The following AGBL1 variants were observed in gnomAD, a reference collection of about 807,000 sequenced individuals.
AGBL1 encodes cytosolic carboxypeptidase 4.
In AGBL1, 130 loss-of-function variants were observed where a neutral mutation model predicts 118.9. That is an observed-to-expected ratio of 1.09 (90% CI 0.95 to 1.26). The LOEUF is 1.26. Among genes scored for constraint, AGBL1 ranks in the 50% most tolerant of loss-of-function variants. The pLI, the probability that AGBL1 is intolerant of heterozygous loss-of-function variation, is 0.00. For synonymous variants in AGBL1, 555 were observed against 478.9 expected (o/e 1.16, Z -2.08); for missense variants, 1,584 against 1,298.1 (o/e 1.22, Z -3.38).
At chr15:86,689,061 A>T (rs1219633830) in intron 22 of AGBL1, among the ~76,000 whole-genome samples, 2 of 152,160 alleles carry the variant, frequency 1.3e-5, no homozygotes, top group African/African-American at 4.8e-5. Context: ...TATATGGTAA[A>T]TGGTCAGTGG....
At chr15:86,229,947 A>G (rs79184449) in intron 6 of AGBL1, among the ~76,000 whole-genome samples, 2,899 of 152,364 alleles carry the variant, frequency 0.019, 93 homozygotes, top group African/African-American at 0.067. Context: ...CAATTTAAGA[A>G]TTAGCATTTA....
At chr15:86,079,770 C>T (rs963100982), upstream of AGBL1, 6 of 387,162 alleles carry the variant, frequency 1.5e-5, no homozygotes, top group Admixed American at 1.4e-4. Context: ...TCACCTAATC[C>T]CCACAGTGGG....
At chr15:86,743,700 G>A (rs2077713703) in intron 22 of AGBL1, among the ~76,000 whole-genome samples, 1 of 152,116 alleles carries the variant, frequency 6.6e-6, no homozygotes, top group African/African-American at 2.4e-5. Flanking sequence ...AAGACCCCAA[G>A]GGGATTCTGA....
chr15:86,688,313 G>A (rs1025572134), intron 22 of AGBL1, among the ~76,000 whole-genome samples: 13 of 151,962 alleles, frequency 8.6e-5, no homozygotes, highest in Non-Finnish European at 1.8e-4. Flanking sequence ...AGGGAAGGAG[G>A]AGACTAGAAG....
intron 22 of AGBL1, among the ~76,000 whole-genome samples, chr15:86,815,810 C>A (rs1207900387): frequency 6.6e-6 from 1 of 152,070 alleles, no homozygotes; most frequent in African/African-American, 2.4e-5. Context: ...TATGAATCAC[C>A]TTCAAAGTGT....
intron 22 of AGBL1, among the ~76,000 whole-genome samples, chr15:86,834,084 A>G (rs969794106): frequency 2.0e-5 from 3 of 152,062 alleles, no homozygotes; most frequent in Non-Finnish European, 2.9e-5. Context: ...TTTGATCACT[A>G]TGAGGCATTA....
intron 22 of AGBL1, among the ~76,000 whole-genome samples, chr15:86,704,318 A>C (rs939474058): frequency 3.3e-5 from 5 of 152,228 alleles, no homozygotes; most frequent in African/African-American, 1.2e-4. Context: ...CCTTCTGCAC[A>C]GCAAAAGAAA....
At chr15:86,936,909 C>T (rs1425864153) in intron 23 of AGBL1, among the ~76,000 whole-genome samples, 1 of 152,156 alleles carries the variant, frequency 6.6e-6, no homozygotes, top group African/African-American at 2.4e-5. Context: ...ATGCATCTGA[C>T]AAAGGTCTCA....
At position 86,264,609 on chromosome 15, in the gene AGBL1, G is replaced by T. The variant is rs748264822; in HGVS notation, c.1438G>T (p.Ala480Ser). 6.2e-7 allele frequency: 1 copy of T among 1,613,834 alleles called. No individual in the cohort carries two copies. The part of the protein sequence containing the change: ...VDAIFCPRMS[A>S]SFSNSTRTRE... ...TGCAATTTTCTGCCCAAGGATGAGTGCCTCCTTTTCTAATTCCACTAGGAC... is the reference window on the plus strand; with the variant it reads ...TGCAATTTTCTGCCCAAGGATGAGTTCCTCCTTTTCTAATTCCACTAGGAC... The change falls in exon 11 of 23, where the codon GCC (alanine) becomes TCC (serine). Residue 480 changes from alanine to serine, a missense_variant. Transcript: ENST00000614907.
chr15:86,638,080 T>G (rs1019935668), intron 21 of AGBL1, among the ~76,000 whole-genome samples: 1 of 152,142 alleles, frequency 6.6e-6, no homozygotes, highest in Non-Finnish European at 1.5e-5. Flanking sequence ...GGACTACTTC[T>G]CATCTTCTTT....
At chr15:86,598,648 A>G (rs763040573) in intron 21 of AGBL1, among the ~76,000 whole-genome samples, 17 of 152,062 alleles carry the variant, frequency 1.1e-4, no homozygotes, top group Admixed American at 5.2e-4. Context: ...TAGAGCTTTT[A>G]CTTCTGTATG....
intron 22 of AGBL1, among the ~76,000 whole-genome samples, chr15:86,881,652 T>G (rs2079892993): frequency 2.0e-5 from 3 of 152,156 alleles, no homozygotes; most frequent in Admixed American, 1.3e-4. Context: ...TTTATTTATT[T>G]AAGATAGGGT....
chr15:86,207,960 C>G (rs987783916), intron 5 of AGBL1, among the ~76,000 whole-genome samples: 4 of 151,994 alleles, frequency 2.6e-5, no homozygotes, highest in African/African-American at 9.7e-5. Flanking sequence ...TTGTCATAAA[C>G]AGCTCTGATT....
At chr15:86,155,710 C>T (rs553631719) in intron 4 of AGBL1, among the ~76,000 whole-genome samples, 1 of 151,682 alleles carries the variant, frequency 6.6e-6, no homozygotes, top group East Asian at 1.9e-4. Flanking sequence ...GGGCTTAGAG[C>T]CAAAAAGACC....
At chr15:86,851,689 G>C (rs1459265698) in intron 22 of AGBL1, among the ~76,000 whole-genome samples, 1 of 152,174 alleles carries the variant, frequency 6.6e-6, no homozygotes, top group East Asian at 1.9e-4. Flanking sequence ...TCTGGGCCTA[G>C]GCATGGGCAG....
intron 22 of AGBL1, among the ~76,000 whole-genome samples, chr15:86,744,197 C>T (rs907014298): frequency 6.6e-6 from 1 of 152,034 alleles, no homozygotes; most frequent in Non-Finnish European, 1.5e-5. Flanking sequence ...GGCAGGACTT[C>T]CTATTGACAG....
intron 21 of AGBL1, among the ~76,000 whole-genome samples, chr15:86,654,265 C>A (rs772824682): frequency 6.6e-6 from 1 of 152,062 alleles, no homozygotes; most frequent in Non-Finnish European, 1.5e-5. Flanking sequence ...TAGAGCTCTG[C>A]CAAGTTGTTA....
chr15:86,943,362 T>A (rs1290487223), intron 23 of AGBL1, among the ~76,000 whole-genome samples: 2 of 152,136 alleles, frequency 1.3e-5, no homozygotes, highest in Non-Finnish European at 2.9e-5. Flanking sequence ...AAAAAATAAA[T>A]TCACAAAACA....
intron 22 of AGBL1, among the ~76,000 whole-genome samples, chr15:86,745,855 C>T (rs2077748956): frequency 6.6e-6 from 1 of 152,016 alleles, no homozygotes; most frequent in Non-Finnish European, 1.5e-5. Context: ...GGCACTTGGT[C>T]TCACACAGGC....
Sources: gnomAD v4.1 joint callset for allele counts (sites outside exome capture counted in the v4.1 genomes callset) on GRCh38, gnomAD v4.1.1 for gene constraint, MANE v1.5 for transcripts, NCBI Gene and HGNC (gene_info 2026-07-23, HGNC 2026-07-21) for gene names.